MBTPS1: variants seen among roughly 807,000 people sequenced by gnomAD.
The protein encoded by MBTPS1 is membrane-bound transcription factor site-1 protease.
A neutral mutation model predicts 127.8 loss-of-function variants in MBTPS1; 94 were observed. The observed-to-expected ratio is 0.74, with a 90% CI of 0.62 to 0.87. The LOEUF (loss-of-function observed/expected upper bound fraction) is 0.87, where lower values mean the gene tolerates loss of function less well. MBTPS1 is among the 40% of genes least tolerant of loss of function. MBTPS1 has a pLI of 0.00. For synonymous variants in MBTPS1, 632 were observed against 509.4 expected, an observed-to-expected ratio of 1.24 and a Z score of -3.24; for missense variants, 1,636 against 1,353.2, an observed-to-expected ratio of 1.21 and a Z score of -3.28.
chr16:84,107,868 ATTT>A (rs66777766), intron 1 of MBTPS1, among the ~76,000 whole-genome samples: 1 of 133,448 alleles, frequency 7.5e-6, no homozygotes, highest in African/African-American at 2.8e-5. Context: ...TGTCCAGCTA[ATTT>A]TTTTTTTTTT....
chr16:84,085,181 C>T, intron 9 of MBTPS1, 47 bp from the exon 10 acceptor site: 2 of 1,577,868 alleles, frequency 1.3e-6, no homozygotes, highest in Non-Finnish European at 1.7e-6. Flanking sequence ...CATTGGCATA[C>T]AGCCGCATGC....
rs759662502 is a variant in MBTPS1 at position 84,093,772 on chromosome 16, A to T, written c.675T>A (p.His225Gln). Reference protein sequence around the residue: ...AVFDTGLSEKHPHFKNVKERT... With the variant: ...AVFDTGLSEKQPHFKNVKERT... ...TCTCCTTCACATTTTTGAAGTGGGGATGCTTCTCGCTCAGCCCAGTGTCAA... is the reference window on the plus strand; with the variant it reads ...TCTCCTTCACATTTTTGAAGTGGGGTTGCTTCTCGCTCAGCCCAGTGTCAA... The change falls in exon 5 of 23, where the codon CAT (histidine) becomes CAA (glutamine). Residue 225 changes from histidine to glutamine, a missense_variant. Transcript: ENST00000343411. 6.2e-7 allele frequency: 1 copy of T among 1,614,136 alleles called. No homozygotes were observed. The highest frequency in any genetic ancestry group is 8.5e-7 in the Non-Finnish European group (1 of 1,179,990).
chr16:84,069,074 G>A (rs1007235607), intron 14 of MBTPS1, among the ~76,000 whole-genome samples: 4 of 152,166 alleles, frequency 2.6e-5, no homozygotes, highest in African/African-American at 9.7e-5. Flanking sequence ...ACCCGTCTCT[G>A]GTCTGAGCCC....
chr16:84,056,351 C>A, intron 21 of MBTPS1: 1 of 496,130 alleles, frequency 2.0e-6, no homozygotes, highest in Non-Finnish European at 3.6e-6. Flanking sequence ...AGTCCCTGTT[C>A]ATGAGATTCT....
At chr16:84,082,944 G>C (rs938444367) in intron 10 of MBTPS1, among the ~76,000 whole-genome samples, 3 of 152,212 alleles carry the variant, frequency 2.0e-5, no homozygotes, top group Admixed American at 6.5e-5. Context: ...GTCACACACA[G>C]AGATCACAAC....
At position 84,054,543 on chromosome 16, in the gene MBTPS1, T is replaced by C. The variant is rs1317125093; in HGVS notation, c.3065A>G (p.Asn1022Ser). The change falls in exon 23 of 23, where the codon AAC (asparagine) becomes AGC (serine). Residue 1022 changes from asparagine to serine, a missense_variant. Physicochemically the swap from Asn to Ser is conservative, Grantham distance 46. Coordinates refer to ENST00000343411, the MANE Select transcript of MBTPS1 (RefSeq NM_003791.4). ...VVLAFFVVQI[N>S]KAKSRPKRRK... ...CCGCTTCGGCCTGCTCTTGGCCTTGTTGATTTGTACCACAAAGAAGGCCAG... is the reference window on the plus strand; with the variant it reads ...CCGCTTCGGCCTGCTCTTGGCCTTGCTGATTTGTACCACAAAGAAGGCCAG... 1 of 1,614,032 alleles carries C rather than the reference T, an allele frequency of 6.2e-7. No homozygotes were observed.
chr16:84,079,143 T>C (rs917273155), intron 11 of MBTPS1, among the ~76,000 whole-genome samples: 25 of 152,318 alleles, frequency 1.6e-4, no homozygotes, highest in Middle Eastern at 3.4e-3. Flanking sequence ...CTCCCTCTCT[T>C]GCCATGTGAT....
At position 84,092,868 on chromosome 16, in the gene MBTPS1, T is replaced by C. The variant is rs190885935; in HGVS notation, c.846+320A>G. ...TATCTGCAATTGTTCTGTTCTATCA[T>C]GCAGACAACCGACCCAGGGTACAGA... On this transcript the variant is annotated intron_variant, in intron 6 of 22. Coordinates refer to ENST00000343411, the MANE Select transcript of MBTPS1 (RefSeq NM_003791.4). Among the ~76,000 whole-genome samples the C allele has an allele frequency of 5.7e-3, 865 of 152,306 alleles. 12 individuals carry two copies. Among genetic ancestry groups the C allele is most frequent in the African/African-American group, 0.02 (829 of 41,554 alleles).
At chr16:84,066,040 T>A (rs536377455) in intron 17 of MBTPS1, among the ~76,000 whole-genome samples, 7 of 152,164 alleles carry the variant, frequency 4.6e-5, no homozygotes, top group African/African-American at 1.4e-4. Flanking sequence ...GAATAGATGT[T>A]ATAACTCAGA....
Position 84,093,818 on chromosome 16 carries a change from G to A in MBTPS1, c.629C>T (p.Ala210Val), listed in dbSNP as rs748987426. 6.3e-7 allele frequency: 1 copy of A among 1,598,820 alleles called. No homozygotes were observed. The highest frequency in any genetic ancestry group is 8.6e-7 in the Non-Finnish European group (1 of 1,166,036). ...DVLWQMGYTG[A>V]NVRVAVFDTG... ...GTCAAAAACAGCAACTCTTACATTA[G>A]CACCTTATTCGGAAAAGAAAGCAAA... is the stretch of plus-strand genomic sequence containing the variant. The change falls in exon 5 of 23, where the codon GCT becomes GTT. Residue 210 changes from alanine to valine, a missense_variant. Transcript: ENST00000343411.
At chr16:84,064,172 A>G (rs1176488279) in intron 18 of MBTPS1, among the ~76,000 whole-genome samples, 1 of 152,008 alleles carries the variant, frequency 6.6e-6, no homozygotes, top group Non-Finnish European at 1.5e-5. Context: ...GCACTAGAAC[A>G]TGATGTACGT....
At chr16:84,101,574 T>G in intron 2 of MBTPS1, 47 bp downstream of exon 2, 1 of 1,506,486 alleles carries the variant, frequency 6.6e-7, no homozygotes, top group Non-Finnish European at 9.0e-7. Context: ...AAGTAAGCTT[T>G]AAAAAAATAG....
chr16:84,108,230 C>T (rs1294462531), intron 1 of MBTPS1, among the ~76,000 whole-genome samples: 1 of 151,982 alleles, frequency 6.6e-6, no homozygotes, highest in South Asian at 2.1e-4. Context: ...ACAGAGCATG[C>T]ACACACAGAT....
rs751157818 is a variant in MBTPS1 at position 84,085,088 on chromosome 16, T to C, written c.1181A>G (p.Tyr394Cys). The C allele has an allele frequency of 3.1e-6, 5 of 1,614,086 alleles. No individual in the cohort carries two copies. The highest frequency in any genetic ancestry group is 2.2e-5 in the East Asian group (1 of 44,858). The change falls in exon 10 of 23, where the codon TAT becomes TGT. Residue 394 changes from tyrosine to cysteine, a missense_variant. Physicochemically the swap from Tyr to Cys is radical, Grantham distance 194. Transcript: ENST00000343411. The part of the protein sequence containing the change: ...YGRMKPDIVT[Y>C]GAGVRGSGVK... ...GCCAGAACCCCGCACGCCAGCACCA[T>C]AGGTGACAATGTCAGGTTTCATGCG...
intron 17 of MBTPS1, among the ~76,000 whole-genome samples, chr16:84,066,151 G>A (rs898533459): frequency 2.6e-5 from 4 of 152,156 alleles, no homozygotes; most frequent in African/African-American, 9.7e-5. Flanking sequence ...CTTACCTGTG[G>A]GGGAACTTCC....
At chr16:84,105,102 C>CA (rs397967856) in intron 1 of MBTPS1, among the ~76,000 whole-genome samples, 1,524 of 126,830 alleles carry the variant, frequency 0.012, 26 homozygotes, top group African/African-American at 0.041. Context: ...GACTCTGTCT[C>CA]AAAAAAAAAA....
At chr16:84,089,594 C>T (rs1456992344) in intron 8 of MBTPS1, among the ~76,000 whole-genome samples, 1 of 152,238 alleles carries the variant, frequency 6.6e-6, no homozygotes, top group Non-Finnish European at 1.5e-5. Context: ...GTGCTCTCCC[C>T]CTGCTGTCTG....
At chr16:84,083,564 T>TAC (rs1400843749) in intron 10 of MBTPS1, among the ~76,000 whole-genome samples, 2 of 152,130 alleles carry the variant, frequency 1.3e-5, no homozygotes, top group Non-Finnish European at 2.9e-5. Context: ...GTGCTGGGAT[T>TAC]ACAGGTGTGA....
rs767750609 is a variant in MBTPS1 at position 84,054,631 on chromosome 16, G to T, written c.2977C>A (p.Arg993Ser). 1 of 1,606,852 alleles carries T rather than the reference G, an allele frequency of 6.2e-7. No individual in the cohort carries two copies. Among genetic ancestry groups the T allele is most frequent in the Middle Eastern group, 1.7e-4 (1 of 5,986 alleles). Residue 993 changes from arginine to serine, a missense_variant, in exon 23 of 23, where the codon CGC (arginine) becomes AGC (serine). Arg to Ser is a moderately radical substitution (Grantham distance 110, BLOSUM62 -1). Transcript: ENST00000343411. Reference sequence around the variant, plus strand: ...GTCTGGCCCACCTCCTGGTTGTAGCGGCCAGGCATGATCCCTGTAAGAGGA... The same window carrying T: ...GTCTGGCCCACCTCCTGGTTGTAGCTGCCAGGCATGATCCCTGTAAGAGGA... ...WDIPGGIMPG[R>S]YNQEVGQTIP... is the part of the protein sequence containing the mutation.
Sources: gnomAD v4.1 joint callset for allele counts (sites outside exome capture counted in the v4.1 genomes callset) on GRCh38, gnomAD v4.1.1 for gene constraint, MANE v1.5 for transcripts, NCBI Gene and HGNC (gene_info 2026-07-23, HGNC 2026-07-21) for gene names.